CCDC102B: variants seen among roughly 807,000 people sequenced by gnomAD.
CCDC102B encodes coiled-coil domain-containing protein 102B.
In CCDC102B, 75 loss-of-function variants were observed where a neutral mutation model predicts 57.4. The observed-to-expected ratio is 1.31, with a 90% confidence interval of 1.08 to 1.58. The LOEUF is 1.58. Among genes scored for constraint, CCDC102B ranks in the 40% most tolerant of loss-of-function variants. CCDC102B has a pLI of 0.00. For missense variants in CCDC102B, 636 were observed against 582.6 expected (o/e 1.09, Z -0.94); for synonymous variants, 206 against 201.9 (o/e 1.02, Z -0.17).
chr18:68,784,105 A>G (rs914741302), intron 2 of CCDC102B, among the ~76,000 whole-genome samples: 1 of 152,130 alleles, frequency 6.6e-6, no homozygotes, highest in African/African-American at 2.4e-5. Flanking sequence ...GAGCCATTGT[A>G]TTAGTACATT....
At chr18:68,895,105 T>C (rs1032213877) in intron 5 of CCDC102B, among the ~76,000 whole-genome samples, 4 of 151,778 alleles carry the variant, frequency 2.6e-5, no homozygotes, top group African/African-American at 9.7e-5. Flanking sequence ...TGATAGAAAC[T>C]TTAAGTATTA....
At chr18:68,910,098 G>A (rs985545679) in intron 6 of CCDC102B, among the ~76,000 whole-genome samples, 1 of 152,126 alleles carries the variant, frequency 6.6e-6, no homozygotes, top group Non-Finnish European at 1.5e-5. Flanking sequence ...CATTTGACCA[G>A]CCTGGCCAAC....
intron 1 of CCDC102B, among the ~76,000 whole-genome samples, chr18:68,812,244 T>C (rs923822762): frequency 6.6e-6 from 1 of 151,814 alleles, no homozygotes; most frequent in African/African-American, 2.4e-5. Flanking sequence ...TATATAAAAA[T>C]ATATTCAAAA....
intron 7 of CCDC102B, among the ~76,000 whole-genome samples, chr18:69,017,065 T>G: frequency 7.0e-6 from 1 of 143,592 alleles, no homozygotes; most frequent in Non-Finnish European, 1.6e-5. Flanking sequence ...TCTGTGTTAT[T>G]AATAAGATTT....
chr18:68,777,468 C>G (rs2034860569), intron 2 of CCDC102B, among the ~76,000 whole-genome samples: 1 of 152,150 alleles, frequency 6.6e-6, no homozygotes, highest in Admixed American at 6.5e-5. Context: ...CTTTAGCACT[C>G]TTTTTCTCCT....
intron 7 of CCDC102B, among the ~76,000 whole-genome samples, chr18:69,030,252 C>T (rs893568275): frequency 6.6e-6 from 1 of 152,154 alleles, no homozygotes; most frequent in African/African-American, 2.4e-5. Context: ...GTACTATCTA[C>T]AAACCTATCC....
intron 5 of CCDC102B, among the ~76,000 whole-genome samples, chr18:68,892,868 A>C (rs530353764): frequency 6.6e-6 from 1 of 152,336 alleles, no homozygotes; most frequent in Non-Finnish European, 1.5e-5. Flanking sequence ...GTAAGGAAAT[A>C]GTTGTGTCTG....
intron 7 of CCDC102B, among the ~76,000 whole-genome samples, chr18:69,050,847 T>C (rs926074046): frequency 6.6e-6 from 1 of 152,190 alleles, no homozygotes; most frequent in Non-Finnish European, 1.5e-5. Context: ...AATCAAGGAA[T>C]GTTTACCTAG....
At chr18:68,763,136 T>A (rs1251301835) in intron 2 of CCDC102B, among the ~76,000 whole-genome samples, 1 of 152,184 alleles carries the variant, frequency 6.6e-6, no homozygotes, top group Non-Finnish European at 1.5e-5. Flanking sequence ...ATTTATTTAC[T>A]GAACTCCTAT....
At chr18:68,823,950 C>T (rs992566354) in intron 1 of CCDC102B, among the ~76,000 whole-genome samples, 27 of 151,660 alleles carry the variant, frequency 1.8e-4, no homozygotes, top group African/African-American at 6.3e-4. Flanking sequence ...TTCTAGATAT[C>T]AGACCTTTGC....
chr18:68,927,495 G>A (rs2041513092), intron 6 of CCDC102B, among the ~76,000 whole-genome samples: 1 of 151,840 alleles, frequency 6.6e-6, no homozygotes, highest in African/African-American at 2.4e-5. Context: ...ACGCTGTTCT[G>A]TTTTATTCAT....
chr18:69,019,592 C>A (rs1194726499), intron 7 of CCDC102B, among the ~76,000 whole-genome samples: 1 of 152,026 alleles, frequency 6.6e-6, no homozygotes, highest in African/African-American at 2.4e-5. Flanking sequence ...AGCAACTTTA[C>A]TGAATTCATT....
intron 2 of CCDC102B, among the ~76,000 whole-genome samples, chr18:68,728,422 T>C (rs1440594374): frequency 6.6e-6 from 1 of 152,214 alleles, no homozygotes; most frequent in African/African-American, 2.4e-5. Context: ...ACCCAAAGAT[T>C]GAACAACAGA....
intron 2 of CCDC102B, among the ~76,000 whole-genome samples, chr18:68,755,362 A>C (rs2034010016): frequency 6.6e-6 from 1 of 152,162 alleles, no homozygotes. Flanking sequence ...GCTGTGGCTG[A>C]TGTGGGCAGG....
intron 4 of CCDC102B, chr18:68,858,889 A>G (rs1057069887): frequency 6.6e-6 from 1 of 152,282 alleles, no homozygotes; most frequent in South Asian, 2.1e-4. Flanking sequence ...GGGCAGAGAA[A>G]TAACTTGCAA....
At chr18:68,957,846 C>T (rs1401908980) in intron 6 of CCDC102B, among the ~76,000 whole-genome samples, 1 of 151,974 alleles carries the variant, frequency 6.6e-6, no homozygotes, top group East Asian at 1.9e-4. Context: ...AATTCCTAGA[C>T]TTTTATTTTT....
intron 4 of CCDC102B, among the ~76,000 whole-genome samples, chr18:68,853,006 T>G (rs968044353): frequency 1.3e-5 from 2 of 152,180 alleles, no homozygotes; most frequent in Non-Finnish European, 2.9e-5. Flanking sequence ...GTAAGATAAT[T>G]GAAACACACT....
intron 6 of CCDC102B, among the ~76,000 whole-genome samples, chr18:68,898,966 A>G (rs577492109): frequency 2.6e-5 from 4 of 152,226 alleles, no homozygotes; most frequent in South Asian, 2.1e-4. Context: ...CACCGAGTCC[A>G]GACCTGGTCT....
At chr18:68,797,323 A>G (rs1841339068), upstream of CCDC102B, among the ~76,000 whole-genome samples, 1 of 152,152 alleles carries the variant, frequency 6.6e-6, no homozygotes, top group Non-Finnish European at 1.5e-5. Flanking sequence ...TAAAAGGAGC[A>G]AGGCTATCCT....
Sources: gnomAD v4.1 joint callset for allele counts (sites outside exome capture counted in the v4.1 genomes callset) on GRCh38, gnomAD v4.1.1 for gene constraint, MANE v1.5 for transcripts, NCBI Gene and HGNC (gene_info 2026-07-23, HGNC 2026-07-21) for gene names.